The following RANBP2 variants were observed in gnomAD, a reference collection of about 807,000 sequenced individuals.
RANBP2 encodes E3 SUMO-protein ligase RanBP2.
A neutral mutation model predicts 303.6 loss-of-function variants in RANBP2; 57 were observed. That is an observed-to-expected ratio of 0.19 (90% CI 0.15 to 0.23). The LOEUF is 0.23. Ranked by LOEUF, RANBP2 falls within the 10% of genes least tolerant of loss-of-function variation. The probability of loss-of-function intolerance (pLI) is 1.00; values close to 1 mark genes in which losing one functional copy is unlikely to be tolerated. For missense variants in RANBP2, 3,138 were observed against 3,780.8 expected (o/e 0.83, Z 4.46); for synonymous variants, 1,167 against 1,301.5 (o/e 0.90, Z 2.23).
the RANBP2 span, among the ~76,000 whole-genome samples, chr2:109,533,266 T>G: frequency 6.6e-6 from 1 of 152,238 alleles, no homozygotes; most frequent in African/African-American, 2.4e-5. Context: ...GCCCTGCTGC[T>G]GGATGGAGGA....
chr2:109,423,536 G>T, the RANBP2 span, among the ~76,000 whole-genome samples: 2 of 152,174 alleles, frequency 1.3e-5, no homozygotes, highest in African/African-American at 4.8e-5. Flanking sequence ...CACAGAACAG[G>T]CTGGTGCTGC....
chr2:109,029,243 G>A, the RANBP2 span, among the ~76,000 whole-genome samples: 4 of 152,112 alleles, frequency 2.6e-5, no homozygotes, highest in African/African-American at 9.7e-5. Flanking sequence ...TGAGTCTATG[G>A]AGTCCCTCCC....
the RANBP2 span, among the ~76,000 whole-genome samples, chr2:108,964,871 A>G: frequency 6.6e-6 from 1 of 152,222 alleles, no homozygotes; most frequent in Non-Finnish European, 1.5e-5. Flanking sequence ...ACTGTGTAGC[A>G]TGACAAAAAC....
chr2:109,249,395 C>T, the RANBP2 span, among the ~76,000 whole-genome samples: 1 of 152,202 alleles, frequency 6.6e-6, no homozygotes, highest in Non-Finnish European at 1.5e-5. Context: ...AACCAAAGCT[C>T]AGAGGATCTG....
In RANBP2 at chr2:108,775,934, A is replaced by G. The variant is rs1483186787; in HGVS notation, c.8495A>G (p.Gln2832Arg). The G allele has an allele frequency of 1.2e-5, 19 of 1,606,874 alleles. No homozygotes were observed. Among genetic ancestry groups the G allele is most frequent in the African/African-American group, 2.7e-5 (2 of 74,870 alleles). Residue 2832 changes from glutamine (Q) to arginine (R), a missense_variant and splice_region_variant, in exon 24 of 29, where the codon CAA becomes CGA. Physicochemically the swap from Gln to Arg is conservative, Grantham distance 43. This residue lies in a region of RANBP2 where 497 missense variants were observed against 465.8 expected (regional missense o/e 1.07). Transcript: ENST00000283195. Reference sequence around the variant, plus strand: ...GAAATTGATACAGATTCTACAAGCCAAGGTAAATCTTGATATATGTTTATC... The same window carrying G: ...GAAATTGATACAGATTCTACAAGCCGAGGTAAATCTTGATATATGTTTATC... ...RKEIDTDSTS[Q>R]GESKIVSFGF...
At chr2:109,585,489 G>A in the RANBP2 span, among the ~76,000 whole-genome samples, 1 of 152,160 alleles carries the variant, frequency 6.6e-6, no homozygotes, top group African/African-American at 2.4e-5. Context: ...AGAGCATAGA[G>A]TAAGTGTGCT....
At chr2:109,363,528 T>C in the RANBP2 span, among the ~76,000 whole-genome samples, 5 of 152,206 alleles carry the variant, frequency 3.3e-5, no homozygotes, top group African/African-American at 1.2e-4. Context: ...ATAAAAGTTT[T>C]AAGTTTACTG....
chr2:109,483,202 C>T, the RANBP2 span, among the ~76,000 whole-genome samples: 12 of 152,198 alleles, frequency 7.9e-5, no homozygotes, highest in East Asian at 7.7e-4. Context: ...TCCCCATCTC[C>T]GACAGGAAAA....
chr2:109,585,428 G>T, the RANBP2 span: 1 of 937,810 alleles, frequency 1.1e-6, no homozygotes, highest in Non-Finnish European at 1.6e-6. Flanking sequence ...TCAAAGGCCA[G>T]GGTGCGCATG....
At chr2:109,022,108 G>A in the RANBP2 span, among the ~76,000 whole-genome samples, 255 of 152,342 alleles carry the variant, frequency 1.7e-3, no homozygotes, top group African/African-American at 5.9e-3. Flanking sequence ...GCTGCTGTGG[G>A]TTCCGCACCT....
chr2:109,348,078 C>T, the RANBP2 span: 1 of 1,308,990 alleles, frequency 7.6e-7, no homozygotes, highest in Non-Finnish European at 1.0e-6. Flanking sequence ...CTCCCGGAAC[C>T]CTGGGCAAAT....
At chr2:108,731,628 CAT>C (rs1486922016) in intron 4 of RANBP2, 154 bp downstream of exon 4, 2 of 1,396,994 alleles carry the variant, frequency 1.4e-6, no homozygotes, top group Admixed American at 4.9e-5. Flanking sequence ...CCTTTCTGAG[CAT>C]CTACTGTCTT....
chr2:109,305,158 G>A, the RANBP2 span, among the ~76,000 whole-genome samples: 2 of 152,158 alleles, frequency 1.3e-5, no homozygotes, highest in African/African-American at 4.8e-5. Flanking sequence ...CACAGTGGGG[G>A]TTATGTTGAT....
the RANBP2 span, among the ~76,000 whole-genome samples, chr2:109,703,785 TC>T: frequency 2.0e-5 from 3 of 152,230 alleles, no homozygotes; most frequent in South Asian, 2.1e-4. Flanking sequence ...AGCTGAGCCT[TC>T]CTCCTTTTAT....
At chr2:108,874,005 A>G in the RANBP2 span, among the ~76,000 whole-genome samples, 14 of 152,208 alleles carry the variant, frequency 9.2e-5, no homozygotes, top group African/African-American at 3.4e-4. Context: ...GACTAGAATT[A>G]GAGTTCTGAT....
the RANBP2 span, among the ~76,000 whole-genome samples, chr2:109,372,899 G>A: frequency 6.6e-6 from 1 of 152,220 alleles, no homozygotes; most frequent in Non-Finnish European, 1.5e-5. Flanking sequence ...AAAGATGTTT[G>A]TTTAAAACAT....
chr2:109,333,644 T>C, the RANBP2 span, among the ~76,000 whole-genome samples: 79,745 of 151,978 alleles, frequency 0.52, 22,075 homozygotes, highest in Non-Finnish European at 0.62. Flanking sequence ...AAAGCCACCT[T>C]GCTCCACTAG....
At chr2:108,897,304 A>C in the RANBP2 span, 4 of 1,368,168 alleles carry the variant, frequency 2.9e-6, no homozygotes, top group South Asian at 5.4e-5. Context: ...AAATTATTTA[A>C]ATGAAATAAA....
the RANBP2 span, among the ~76,000 whole-genome samples, chr2:109,273,461 G>A: frequency 6.6e-6 from 1 of 152,194 alleles, no homozygotes; most frequent in Admixed American, 6.5e-5. Context: ...GGCGGAGGAG[G>A]GGAGAAGGGA....
Sources: allele counts gnomAD v4.1 joint callset (sites outside exome capture counted in the v4.1 genomes callset), GRCh38; gene constraint gnomAD v4.1.1; regional missense constraint gnomAD v4.1.1; transcripts MANE v1.5; gene names NCBI Gene and HGNC (gene_info 2026-07-23, HGNC 2026-07-21).